The following GLYR1 variants were observed in gnomAD, a reference collection of about 807,000 sequenced individuals.
GLYR1 encodes glyoxylate reductase 1 homolog, also known as cytokine-like nuclear factor N-PAC.
GLYR1 carries 21 observed loss-of-function variants against 72.7 expected under a neutral mutation model. The observed-to-expected ratio is 0.29, with a 90% CI of 0.20 to 0.42. The LOEUF is 0.42. Ranked by LOEUF, GLYR1 falls within the 10% of genes least tolerant of loss-of-function variation. The pLI is 1.00. For synonymous variants in GLYR1, 392 were observed against 270.2 expected (o/e 1.45, Z -4.42); for missense variants, 594 against 712.1 (o/e 0.83, Z 1.89).
At chr16:4,825,782 G>A (rs568733853) in intron 5 of GLYR1, among the ~76,000 whole-genome samples, 26 of 152,138 alleles carry the variant, frequency 1.7e-4, no homozygotes, top group African/African-American at 6.3e-4. Flanking sequence ...CTCCTGAGTA[G>A]CTGGGACCAC....
In GLYR1 at chr16:4,805,291, G is replaced by A. The variant is rs2082902647; in HGVS notation, c.1607C>T (p.Ala536Val). The stretch of plus-strand genomic sequence containing the variant: ...CATATCGTTGTCAGACTGGTCCAGC[G>A]CCTTGGCTCTTTTGTACACCTGGAA... ...AANEVYKRAK[A>V]LDQSDNDMSA... Residue 536 changes from alanine to valine, a missense_variant, in exon 16 of 16, where the codon GCG (alanine) becomes GTG (valine). Physicochemically the swap from Ala to Val is moderately conservative, Grantham distance 64 (BLOSUM62 0). This residue lies in a region of GLYR1 where 10 missense variants were observed against 38.0 expected (regional missense o/e 0.26). Transcript: ENST00000321919. 1 of 1,613,932 alleles carries A rather than the reference G, an allele frequency of 6.2e-7. No individual in the cohort carries two copies. Among genetic ancestry groups the A allele is most frequent in the Non-Finnish European group, 8.5e-7 (1 of 1,179,972 alleles).
chr16:4,831,409 A>G (rs528035880), intron 5 of GLYR1, among the ~76,000 whole-genome samples: 1 of 152,214 alleles, frequency 6.6e-6, no homozygotes, highest in African/African-American at 2.4e-5. Flanking sequence ...GTAGACCTTC[A>G]GGCCCTCCAC....
At chr16:4,836,768 T>A (rs1217513030) in intron 3 of GLYR1, among the ~76,000 whole-genome samples, 1 of 151,446 alleles carries the variant, frequency 6.6e-6, no homozygotes, top group Non-Finnish European at 1.5e-5. Flanking sequence ...ACTGTTTCAA[T>A]GTTGACAAGT....
intron 3 of GLYR1, among the ~76,000 whole-genome samples, chr16:4,836,767 A>G (rs989891839): frequency 1.3e-5 from 2 of 151,846 alleles, no homozygotes; most frequent in Non-Finnish European, 1.5e-5. Context: ...AACTGTTTCA[A>G]TGTTGACAAG....
Position 4,811,904 on chromosome 16 carries a change from G to A in GLYR1, c.1283-102C>T, listed in dbSNP as rs752856025. The A allele has an allele frequency of 9.0e-6, 13 of 1,449,154 alleles. No homozygotes were observed. In the South Asian group the frequency reaches 1.5e-4, roughly 16 times the overall value. The allele number at this position is 1,449,154 out of a possible 1,614,324, so 89.8% of individuals were successfully genotyped here. ...TCAGACCCACCTCTCTCCAGGGGAG[G>A]CCCCCTTCACCTGCCCCCGACAGAC... On this transcript the variant is annotated intron_variant, in intron 13 of 15. Transcript: ENST00000321919.
chr16:4,838,307 C>G (rs938816873), intron 3 of GLYR1, among the ~76,000 whole-genome samples: 7 of 152,168 alleles, frequency 4.6e-5, no homozygotes, highest in Non-Finnish European at 1.0e-4. Flanking sequence ...GAGACCGGTC[C>G]ACCTTAGATG....
intron 3 of GLYR1, among the ~76,000 whole-genome samples, chr16:4,837,794 G>A (rs748325665): frequency 1.1e-4 from 16 of 151,972 alleles, no homozygotes; most frequent in Non-Finnish European, 1.9e-4. Flanking sequence ...AGCTAGGTGC[G>A]GTGGCATGCG....
At chr16:4,842,943 G>C (rs2085672916) in intron 3 of GLYR1, among the ~76,000 whole-genome samples, 2 of 147,496 alleles carry the variant, frequency 1.4e-5, no homozygotes, top group Admixed American at 6.7e-5. Flanking sequence ...TAAGCAATCT[G>C]CCTGCCCCGG....
At chr16:4,830,750 C>T (rs1036423690) in intron 5 of GLYR1, among the ~76,000 whole-genome samples, 2 of 152,174 alleles carry the variant, frequency 1.3e-5, no homozygotes, top group African/African-American at 4.8e-5. Flanking sequence ...AAGACCGGCC[C>T]CAAATCTTGT....
In GLYR1 at chr16:4,812,105, C is replaced by T; in HGVS notation, c.1263G>A (p.Gly421=). 1 of 1,613,850 alleles carries T rather than the reference C, an allele frequency of 6.2e-7. No individual in the cohort carries two copies. Among genetic ancestry groups the T allele is most frequent in the Non-Finnish European group, 8.5e-7 (1 of 1,179,862 alleles). ...EDCSSCFQAM[G]KTSFFLGEVG... ...TGTTACCTAGGAAGAAGGAGGTCTTCCCCATCGCCTGGAAGCAGCTGCTGC... is the reference window on the plus strand; with the variant it reads ...TGTTACCTAGGAAGAAGGAGGTCTTTCCCATCGCCTGGAAGCAGCTGCTGC... The change falls in exon 13 of 16, where the codon GGG becomes GGA. Residue 421 remains glycine (G), a synonymous_variant. Transcript: ENST00000321919.
At chr16:4,847,104 T>A (rs2086198299) in intron 1 of GLYR1, 124 bp downstream of exon 1, 1 of 933,412 alleles carries the variant, frequency 1.1e-6, no homozygotes, top group Non-Finnish European at 1.6e-6. Flanking sequence ...CGCCGGCACC[T>A]TCTCTTCCCC....
intron 9 of GLYR1, among the ~76,000 whole-genome samples, chr16:4,819,102 T>G (rs992210008): frequency 6.6e-6 from 1 of 152,252 alleles, no homozygotes; most frequent in Non-Finnish European, 1.5e-5. Flanking sequence ...CAAGTGACAA[T>G]GGTGCAAAAG....
chr16:4,832,557 A>G (rs2084867631), intron 4 of GLYR1: 6 of 605,272 alleles, frequency 9.9e-6, no homozygotes, highest in African/African-American at 5.6e-5. Context: ...CCTGGGTCCA[A>G]GCAATTTTCC....
chr16:4,814,433 C>G, intron 11 of GLYR1, 104 bp downstream of exon 11: 1 of 845,096 alleles, frequency 1.2e-6, no homozygotes, highest in Non-Finnish European at 2.0e-6. Flanking sequence ...ATTCAGCCCC[C>G]CACATGTGGA....
At chr16:4,838,649 C>T (rs1050708351) in intron 3 of GLYR1, among the ~76,000 whole-genome samples, 14 of 151,746 alleles carry the variant, frequency 9.2e-5, no homozygotes, top group African/African-American at 3.1e-4. Flanking sequence ...TGCAGTGGCG[C>T]GATCTCGACT....
intron 3 of GLYR1, among the ~76,000 whole-genome samples, chr16:4,837,548 G>C (rs8045268): frequency 0.16 from 23,919 of 152,042 alleles, 3,064 homozygotes; most frequent in African/African-American, 0.35. Flanking sequence ...GTGACCCGGG[G>C]TGAAGCCGTG....
intron 3 of GLYR1, among the ~76,000 whole-genome samples, chr16:4,837,191 C>T (rs113540397): frequency 0.12 from 17,773 of 152,168 alleles, 1,369 homozygotes; most frequent in African/African-American, 0.22. Flanking sequence ...ATCCCAGCAC[C>T]TTGGGAGACC....
At chr16:4,836,021 A>C (rs1204251133) in intron 3 of GLYR1, among the ~76,000 whole-genome samples, 2 of 151,996 alleles carry the variant, frequency 1.3e-5, no homozygotes, top group African/African-American at 4.8e-5. Context: ...TTGGTCTCGA[A>C]CTCCTGAACT....
intron 9 of GLYR1, among the ~76,000 whole-genome samples, chr16:4,819,606 T>C (rs1230056811): frequency 6.6e-6 from 1 of 152,176 alleles, no homozygotes; most frequent in East Asian, 1.9e-4. Flanking sequence ...CTACTGCGCT[T>C]GGCCATGTTT....
Sources: gnomAD v4.1 joint callset for allele counts (sites outside exome capture counted in the v4.1 genomes callset) on GRCh38, gnomAD v4.1.1 for gene constraint, gnomAD v4.1.1 regional missense constraint, MANE v1.5 for transcripts, NCBI Gene and HGNC (gene_info 2026-07-23, HGNC 2026-07-21) for gene names.